Variants in CAPN6 observed in about 807,000 individuals in gnomAD.
CAPN6 encodes calpain-6.
CAPN6 carries 16 observed loss-of-function variants against 46.0 expected under a neutral mutation model. The observed-to-expected ratio is 0.35, with a 90% CI of 0.24 to 0.53. The LOEUF is 0.53. Among genes scored for constraint, CAPN6 ranks in the 20% least tolerant of loss-of-function variants. The pLI is 0.94. For missense variants in CAPN6, 461 were observed against 498.0 expected (o/e 0.93, Z 0.71); for synonymous variants, 206 against 172.8 (o/e 1.19, Z -1.51).
chrX:111,260,336 A>G (rs897756480), intron 2 of CAPN6, among the ~76,000 whole-genome samples: 2 of 113,123 alleles, frequency 1.8e-5, no homozygotes, highest in Admixed American at 9.3e-5. Context: ...TTAAACTATC[A>G]GTGGTGTTTG....
chrX:111,261,336 A>G (rs2094987801), intron 2 of CAPN6, among the ~76,000 whole-genome samples: 3 of 112,622 alleles, frequency 2.7e-5, no homozygotes, highest in Non-Finnish European at 3.7e-5. Flanking sequence ...GCATGTATCT[A>G]CTGCTATTTT....
chrX:111,247,580 A>T (rs188081097), intron 11 of CAPN6, 76 bp from the exon 12 acceptor site: 46 of 1,046,750 alleles, frequency 4.4e-5, no homozygotes, highest in Middle Eastern at 5.9e-4. Context: ...GTATCTCGCT[A>T]AGCCAATTCT....
intron 2 of CAPN6, among the ~76,000 whole-genome samples, chrX:111,255,516 C>T (rs1232269361): frequency 8.9e-6 from 1 of 112,879 alleles, no homozygotes; most frequent in Non-Finnish European, 1.9e-5. Flanking sequence ...CACGAGGAGG[C>T]CATTGGCCGG....
chrX:111,263,686 A>C, intron 2 of CAPN6, 86 bp downstream of exon 2: 1 of 846,935 alleles, frequency 1.2e-6, no homozygotes. Context: ...TGGTCTACAC[A>C]GTAGGCTTTG....
intron 4 of CAPN6, 78 bp from the exon 5 acceptor site, chrX:111,252,577 C>G (rs1039021833): frequency 9.9e-5 from 79 of 798,259 alleles, no homozygotes; most frequent in Non-Finnish European, 1.3e-4. Flanking sequence ...AGAATCAGAA[C>G]ATCCCCTGCC....
At chrX:111,260,396 A>T (rs2094987015) in intron 2 of CAPN6, among the ~76,000 whole-genome samples, 1 of 113,128 alleles carries the variant, frequency 8.8e-6, no homozygotes, top group African/African-American at 3.2e-5. Flanking sequence ...AGAAAGGAAA[A>T]AGACAGAAAA....
chrX:111,251,205 T>A lies in CAPN6; in HGVS notation c.971+4A>T. On this transcript the variant is annotated splice_donor_region_variant and intron_variant, in intron 7 of 12. Coordinates refer to ENST00000324068, the MANE Select transcript of CAPN6 (RefSeq NM_014289.4). ...ATTCCCTTAGTGCAGAAACCCCTCC[T>A]CACCAAAACTCTCCATCATCAGACA... 1.7e-6 allele frequency: 2 copies of A among 1,208,133 alleles called. No individual in the cohort carries two copies. Among genetic ancestry groups the A allele is most frequent in the South Asian group, 3.5e-5 (2 of 56,617 alleles).
Position 111,254,260 on chromosome X carries a change from G to A in CAPN6, c.297+12C>T. 8.4e-7 allele frequency: 1 copy of A among 1,184,695 alleles called. No homozygotes were observed. The highest frequency in any genetic ancestry group is 1.1e-6 in the Non-Finnish European group (1 of 878,604). ...GTGGAAACTGAATGAGGTCCCACAG[G>A]AGGGATAATACCTTTGTCCAATGAG... On this transcript the variant is annotated intron_variant, in intron 3 of 12. Coordinates refer to ENST00000324068, the MANE Select transcript of CAPN6 (RefSeq NM_014289.4).
chrX:111,253,048 T>C lies in CAPN6; in HGVS notation c.466A>G (p.Asn156Asp). ...TCCAGCAGAGCATTCCAAAACTCAT[T>C]CATGGAAGTGGAGAAAGAGAAGACC... The part of the protein sequence containing the change: ...DLVFSFSTSM[N>D]EFWNALLEKA... The change falls in exon 4 of 13, where the codon AAT (asparagine) becomes GAT (aspartate). Residue 156 changes from asparagine (N) to aspartate (D), a missense_variant. Transcript: ENST00000324068. 1 of 1,211,575 alleles carries C rather than the reference T, an allele frequency of 8.3e-7. No homozygotes were observed. Among genetic ancestry groups the C allele is most frequent in the Non-Finnish European group, 1.1e-6 (1 of 895,205 alleles).
At chrX:111,246,993 AGGCTGCT>A (rs1351052260) in intron 12 of CAPN6, among the ~76,000 whole-genome samples, 1 of 112,019 alleles carries the variant, frequency 8.9e-6, no homozygotes, top group Non-Finnish European at 1.9e-5. Context: ...GGTTACCTAA[AGGCTGCT>A]GGTCAGGAGT....
chrX:111,256,837 A>G (rs1049657833), intron 2 of CAPN6, among the ~76,000 whole-genome samples: 1 of 83,058 alleles, frequency 1.2e-5, no homozygotes, highest in Non-Finnish European at 2.0e-5. Flanking sequence ...AGAGAATGTA[A>G]ATTTGGGACC....
Position 111,251,226 on chromosome X carries a change from A to C in CAPN6, c.954T>G (p.Ser318=). The change falls in exon 7 of 13, where the codon TCT becomes TCG. Residue 318 remains serine, a synonymous_variant. Transcript: ENST00000324068. The part of the protein sequence containing the change: ...SDRKNLGLVM[S]DDGEFWMSLE... ...CTCCTCACCAAAACTCTCCATCATC[A>C]GACATAACAAGCCCCAGGTTCTTGC... 8.3e-7 allele frequency: 1 copy of C among 1,210,391 alleles called. No homozygotes were observed. Among genetic ancestry groups the C allele is most frequent in the Non-Finnish European group, 1.1e-6 (1 of 895,099 alleles).
rs753391368 is a variant in CAPN6, at chrX:111,249,010, C to T, written c.1206G>A (p.Leu402=). The T allele has an allele frequency of 7.4e-6, 9 of 1,209,362 alleles. No individual in the cohort carries two copies. The highest frequency in any genetic ancestry group is 1.0e-5 in the Non-Finnish European group (9 of 894,760). The stretch of plus-strand genomic sequence containing the variant: ...GGTAAGTGCGCAGGTCCTTCTGCTG[C>T]AGTGACATAATGACCTTGTGCCCAT... ...PEDGHKVIMS[L]QQKDLRTYRR... The change falls in exon 9 of 13, where the codon CTG becomes CTA. Residue 402 remains leucine (L), a synonymous_variant. Transcript: ENST00000324068.
chrX:111,261,219 G>A (rs1165032731), intron 2 of CAPN6, among the ~76,000 whole-genome samples: 1 of 112,606 alleles, frequency 8.9e-6, no homozygotes, highest in Non-Finnish European at 1.9e-5. Flanking sequence ...TGCAGGCTTT[G>A]CAGTCAAACG....
rs763917831 is a variant in CAPN6, at chrX:111,267,047, G to A, written c.-15-3096C>T. On this transcript the variant is annotated intron_variant, in intron 1 of 12. Coordinates refer to ENST00000324068, the MANE Select transcript of CAPN6 (RefSeq NM_014289.4). ...CATAAACAACTTACTCTGTTGGAAC[G>A]GATGAGTGCAGAGAAGGGAACACTC... Among the ~76,000 whole-genome samples, 24 of 112,061 alleles carry A rather than the reference G, an allele frequency of 2.1e-4. 1 individual carries two copies. Among genetic ancestry groups the A allele is most frequent in the Admixed American group, 1.6e-3 (17 of 10,610 alleles).
In CAPN6 at chrX:111,245,148, T is replaced by A. The variant is rs1250833774; in HGVS notation, c.*1429A>T. On this transcript the variant is annotated 3_prime_UTR_variant, in exon 13 of 13. Coordinates refer to ENST00000324068, the MANE Select transcript of CAPN6 (RefSeq NM_014289.4). ...TTGTGATTTGGTTTATGTAAGGCAGTGTAGTGAAGGCACTGCAGAAGTTAA... is the reference window on the plus strand; with the variant it reads ...TTGTGATTTGGTTTATGTAAGGCAGAGTAGTGAAGGCACTGCAGAAGTTAA... 1 of 112,730 alleles carries A rather than the reference T, an allele frequency of 8.9e-6. No homozygotes were observed. Among genetic ancestry groups the A allele is most frequent in the Non-Finnish European group, 1.9e-5 (1 of 53,363 alleles). The allele number at this position is 112,730 out of a possible 1,213,427, so 9.3% of individuals were successfully genotyped here.
chrX:111,254,384 TG>T lies in CAPN6; in HGVS notation c.184del (p.His62IlefsTer2). ...GTTGCTAATGTTGCCCACAATCAGA[TG>T]GGGGTCATCACAGATGTCCTATGAA... is the stretch of plus-strand genomic sequence containing the variant. ...KRPQDICDDP[H>X]LIVGNISNHQ... On this transcript the variant is annotated frameshift_variant, in exon 3 of 13. Transcript: ENST00000324068. LOFTEE classifies it high-confidence loss of function. 8.3e-7 allele frequency: 1 copy of T among 1,207,566 alleles called. No homozygotes were observed. Among genetic ancestry groups the T allele is most frequent in the South Asian group, 1.8e-5 (1 of 56,733 alleles).
intron 11 of CAPN6, 99 bp from the exon 12 acceptor site, chrX:111,247,603 A>G (rs1029706017): frequency 4.6e-6 from 4 of 875,782 alleles, no homozygotes; most frequent in African/African-American, 2.0e-5. Flanking sequence ...GACTTTCAGC[A>G]TAGCACTCGA....
rs1403846006 is a variant in CAPN6, at chrX:111,248,620, C to T, written c.1433G>A (p.Arg478His). ...VLVPTMFQHG[R>H]TSEFLLRIFS... ...GATTCTCAGGAGAAACTCGCTGGTG[C>T]GACCATGCTGGAACATGGTTGGGAC... is the stretch of plus-strand genomic sequence containing the variant. Residue 478 changes from arginine to histidine, a missense_variant, in exon 10 of 13, where the codon CGC becomes CAC. By Grantham distance (29) the Arg-to-His change is conservative (BLOSUM62 0). Coordinates refer to ENST00000324068, the MANE Select transcript of CAPN6 (RefSeq NM_014289.4). The T allele has an allele frequency of 8.3e-7, 1 of 1,207,569 alleles. No homozygotes were observed. The highest frequency in any genetic ancestry group is 2.2e-5 in the Admixed American group (1 of 45,748).
Sources: gnomAD v4.1 joint callset for allele counts (sites outside exome capture counted in the v4.1 genomes callset) on GRCh38, gnomAD v4.1.1 for gene constraint, MANE v1.5 for transcripts, NCBI Gene and HGNC (gene_info 2026-07-23, HGNC 2026-07-21) for gene names.